RBM47: variants seen among roughly 807,000 people sequenced by gnomAD.
RBM47 encodes the protein RNA binding motif protein 47, also known as RNA-binding protein 47.
A neutral mutation model predicts 47.1 loss-of-function variants in RBM47; 21 were observed. The observed-to-expected ratio is 0.45, with a 90% CI of 0.32 to 0.64. RBM47 has a LOEUF of 0.64. Ranked by LOEUF, RBM47 falls within the 30% of genes least tolerant of loss-of-function variation. RBM47 has a pLI of 0.05. For synonymous variants in RBM47, 375 were observed against 361.7 expected (o/e 1.04, Z -0.42); for missense variants, 708 against 870.9 (o/e 0.81, Z 2.35).
intron 3 of RBM47, chr4:40,455,481 G>C (rs1577675814): frequency 1.3e-5 from 2 of 152,174 alleles, no homozygotes; most frequent in East Asian, 3.9e-4. Flanking sequence ...GTACCTGGCT[G>C]GTTGGGCGTG....
Position 40,565,616 on chromosome 4 carries a change from A to C in RBM47, c.-239-21110T>G, listed in dbSNP as rs549812854. Among the ~76,000 whole-genome samples, 14 of 152,300 alleles carry C rather than the reference A, an allele frequency of 9.2e-5. No individual in the cohort carries two copies. The South Asian group carries it at 1.9e-3, about 20-fold the overall frequency. On this transcript the variant is annotated intron_variant, in intron 1 of 6. Transcript: ENST00000295971. ...TTGGGCTCAAATCTTATTCCGTGACAATCCATCTGTGTGACCATGGATAAC... is the reference window on the plus strand; with the variant it reads ...TTGGGCTCAAATCTTATTCCGTGACCATCCATCTGTGTGACCATGGATAAC...
At chr4:40,523,088 C>T (rs2154256918) in intron 2 of RBM47, among the ~76,000 whole-genome samples, 1 of 151,740 alleles carries the variant, frequency 6.6e-6, no homozygotes, top group East Asian at 2.0e-4. Flanking sequence ...GCCTCAGCCT[C>T]CCAAGTAGCT....
In RBM47 at chr4:40,520,276, T is replaced by C. The variant is rs143932421; in HGVS notation, c.-155+24146A>G. 4.2e-3 allele frequency among the ~76,000 whole-genome samples: 633 copies of C among 152,334 alleles called. 3 individuals carry two copies. The highest frequency in any genetic ancestry group is 0.014 in the African/African-American group (602 of 41,586). On this transcript the variant is annotated intron_variant, in intron 2 of 6. Coordinates refer to ENST00000295971, the MANE Select transcript of RBM47 (RefSeq NM_001098634.2). ...AGAAAGGACTGTGCCTTCTGTGCAATAGAAATGTTTTATAATAGCATTTTC... is the reference window on the plus strand; with the variant it reads ...AGAAAGGACTGTGCCTTCTGTGCAACAGAAATGTTTTATAATAGCATTTTC...
intron 2 of RBM47, among the ~76,000 whole-genome samples, chr4:40,513,028 T>C (rs1725152261): frequency 6.6e-6 from 1 of 152,210 alleles, no homozygotes; most frequent in Non-Finnish European, 1.5e-5. Flanking sequence ...CCGATATGCA[T>C]ATAAAAAGAT....
intron 2 of RBM47, among the ~76,000 whole-genome samples, chr4:40,479,975 ATT>A (rs71647000): frequency 6.0e-5 from 7 of 117,278 alleles, no homozygotes; most frequent in African/African-American, 1.6e-4. Context: ...TATCATCTCC[ATT>A]TTTTTTTTTT....
chr4:40,434,136 A>G (rs1711899117), intron 5 of RBM47, among the ~76,000 whole-genome samples: 1 of 152,114 alleles, frequency 6.6e-6, no homozygotes, highest in African/African-American at 2.4e-5. Context: ...AATAGGACAG[A>G]CTCAATCAAA....
At chr4:40,524,765 C>T (rs1322237921) in intron 2 of RBM47, among the ~76,000 whole-genome samples, 1 of 152,174 alleles carries the variant, frequency 6.6e-6, no homozygotes, top group African/African-American at 2.4e-5. Flanking sequence ...GGACTACAGG[C>T]GCACGTCACC....
intron 5 of RBM47, 144 bp from the exon 6 acceptor site, chr4:40,433,006 G>C (rs1201443227): frequency 8.1e-7 from 1 of 1,241,856 alleles, no homozygotes; most frequent in Non-Finnish European, 1.1e-6. Flanking sequence ...TGTGGCCCAG[G>C]CTGGAATGCA....
chr4:40,555,994 G>T (rs1469659596), intron 1 of RBM47, among the ~76,000 whole-genome samples: 2 of 151,860 alleles, frequency 1.3e-5, no homozygotes, highest in African/African-American at 4.8e-5. Context: ...AGGAGCCTCT[G>T]GGAAACACTG....
At position 40,459,709 on chromosome 4, in the gene RBM47, C is replaced by T. The variant is rs561063972; in HGVS notation, c.-32+6868G>A. Among the ~76,000 whole-genome samples, 4 of 152,166 alleles carry T rather than the reference C, an allele frequency of 2.6e-5. No homozygotes were observed. The South Asian group carries it at 8.3e-4, about 32-fold the overall frequency. ...GGAGCCCATCAGAGAATGAATAGGC[C>T]AGCTTTGGTACAGGAGTTGGCATTT... On this transcript the variant is annotated intron_variant, in intron 3 of 6. Coordinates refer to ENST00000295971, the MANE Select transcript of RBM47 (RefSeq NM_001098634.2).
chr4:40,441,108 A>T (rs924831897), intron 3 of RBM47, among the ~76,000 whole-genome samples: 3 of 150,100 alleles, frequency 2.0e-5, no homozygotes, highest in South Asian at 2.1e-4. Context: ...GTTGAAAAAC[A>T]TTTTTTTTTC....
intron 2 of RBM47, among the ~76,000 whole-genome samples, chr4:40,486,296 G>A (rs1224375018): frequency 1.3e-5 from 2 of 151,950 alleles, no homozygotes; most frequent in African/African-American, 2.4e-5. Flanking sequence ...TCATTAAAGA[G>A]CCAATTTCCT....
chr4:40,495,201 T>C (rs749036126), intron 2 of RBM47, among the ~76,000 whole-genome samples: 3 of 152,216 alleles, frequency 2.0e-5, no homozygotes, highest in South Asian at 2.1e-4. Flanking sequence ...TATATATTAC[T>C]ATGGGGATGG....
At chr4:40,581,001 GAAC>G (rs1376176834) in intron 1 of RBM47, among the ~76,000 whole-genome samples, 6 of 152,236 alleles carry the variant, frequency 3.9e-5, no homozygotes, top group Non-Finnish European at 8.8e-5. Flanking sequence ...TTAATTCCAG[GAAC>G]AAGAATCTGT....
chr4:40,430,221 CAAACA>C (rs1158854685), intron 6 of RBM47, among the ~76,000 whole-genome samples: 1 of 140,076 alleles, frequency 7.1e-6, no homozygotes, highest in East Asian at 2.3e-4. Context: ...AACAAACAAA[CAAACA>C]AACAAAAAAA....
Position 40,580,741 on chromosome 4 carries a change from G to C in RBM47, c.-239-36235C>G, listed in dbSNP as rs111846683. On this transcript the variant is annotated intron_variant, in intron 1 of 6. Transcript: ENST00000295971. ...CACTGCTCGCACATGAATGGGAAAGGATGTACAATACATAAAGGCAGAGAC... is the reference window on the plus strand; with the variant it reads ...CACTGCTCGCACATGAATGGGAAAGCATGTACAATACATAAAGGCAGAGAC... Among the ~76,000 whole-genome samples, 141 of 152,330 alleles carry C rather than the reference G, an allele frequency of 9.3e-4. 1 individual carries two copies. The highest frequency in any genetic ancestry group is 3.2e-3 in the African/African-American group (132 of 41,570).
chr4:40,564,368 T>G (rs1347044715), intron 1 of RBM47, among the ~76,000 whole-genome samples: 1 of 152,334 alleles, frequency 6.6e-6, no homozygotes, highest in East Asian at 1.9e-4. Flanking sequence ...CCAAATGAGT[T>G]TATGAAGGTG....
chr4:40,531,318 T>C (rs908457926), intron 2 of RBM47, among the ~76,000 whole-genome samples: 1 of 151,640 alleles, frequency 6.6e-6, no homozygotes, highest in Non-Finnish European at 1.5e-5. Flanking sequence ...TCTGGAGAGA[T>C]AAAGAGGAAA....
intron 3 of RBM47, among the ~76,000 whole-genome samples, chr4:40,453,646 G>A (rs1448623487): frequency 6.6e-6 from 1 of 152,184 alleles, no homozygotes; most frequent in Non-Finnish European, 1.5e-5. Context: ...AGCACCATGA[G>A]AGAATTTCAG....
Sources: gnomAD v4.1 joint callset for allele counts (sites outside exome capture counted in the v4.1 genomes callset) on GRCh38, gnomAD v4.1.1 for gene constraint, MANE v1.5 for transcripts, NCBI Gene and HGNC (gene_info 2026-07-23, HGNC 2026-07-21) for gene names.